The following SLC22A11 variants were observed in gnomAD, a reference collection of about 807,000 sequenced individuals.
The protein encoded by SLC22A11 is solute carrier family 22 member 11.
Under a neutral mutation model 49.4 loss-of-function variants are expected in SLC22A11, and 42 were observed. The observed-to-expected ratio is 0.85, with a 90% CI of 0.66 to 1.10. SLC22A11 has a LOEUF of 1.10. Among genes scored for constraint, SLC22A11 ranks in the 50% least tolerant of loss-of-function variants. The pLI, the probability that SLC22A11 is intolerant of heterozygous loss-of-function variation, is 0.00. For missense variants in SLC22A11, 685 were observed against 731.6 expected (o/e 0.94, Z 0.74); for synonymous variants, 304 against 315.8 (o/e 0.96, Z 0.40).
intron 1 of SLC22A11, 74 bp downstream of exon 1, chr11:64,556,466 C>G (rs77899325): frequency 6.4e-7 from 1 of 1,559,038 alleles, no homozygotes; most frequent in Non-Finnish European, 8.6e-7. Context: ...TGGTTGGACT[C>G]CAAGGTCCAG....
intron 2 of SLC22A11, among the ~76,000 whole-genome samples, chr11:64,559,813 C>G (rs780011576): frequency 5.9e-5 from 9 of 152,186 alleles, no homozygotes; most frequent in Non-Finnish European, 1.2e-4. Context: ...GTTAGGGGAA[C>G]AGGGCACAGG....
intron 9 of SLC22A11, 72 bp downstream of exon 9, chr11:64,569,930 G>A: frequency 2.0e-6 from 3 of 1,476,130 alleles, no homozygotes; most frequent in Non-Finnish European, 2.8e-6. Flanking sequence ...GGCCTGGGCT[G>A]CCCAGGGCAA....
chr11:64,556,543 C>A, intron 1 of SLC22A11, 151 bp downstream of exon 1: 1 of 1,281,910 alleles, frequency 7.8e-7, no homozygotes, highest in Non-Finnish European at 1.1e-6. Flanking sequence ...GGGGAGTGGG[C>A]GGCAGGGATC....
Position 64,564,262 on chromosome 11 carries a change from G to A in SLC22A11, c.822-46G>A. On this transcript the variant is annotated intron_variant, in intron 4 of 9. Transcript: ENST00000301891. This position sits in a 1 kb window ranked among gnomAD's most constrained non-coding sequence, Gnocchi z 4.2. ...CTGCCCCTTTCCACCCCGCCCCGGG[G>A]GAGAGCCCAGCGTGCACTCCCAGCT... The A allele has an allele frequency of 6.2e-7, 1 of 1,610,472 alleles. No individual in the cohort carries two copies. The highest frequency in any genetic ancestry group is 8.5e-7 in the Non-Finnish European group (1 of 1,177,848).
rs1165388348 is a variant in SLC22A11 at position 64,564,092 on chromosome 11, G to A, written c.822-216G>A. ...CAGCCAGGCGAGCCAGATGGAGGTG[G>A]CTCGCTTGGGAAGGTGGGCGGCCAG... On this transcript the variant is annotated intron_variant, in intron 4 of 9. Transcript: ENST00000301891. This position sits in a 1 kb window ranked among gnomAD's most constrained non-coding sequence, Gnocchi z 4.2. Among the ~76,000 whole-genome samples, 1 of 152,180 alleles carries A rather than the reference G, an allele frequency of 6.6e-6. No individual in the cohort carries two copies.
intron 1 of SLC22A11, among the ~76,000 whole-genome samples, chr11:64,557,643 T>G (rs1304381044): frequency 6.9e-6 from 1 of 144,778 alleles, no homozygotes; most frequent in Non-Finnish European, 1.5e-5. Context: ...TTTTTTTTTT[T>G]TTTTTTGAGA....
Position 64,565,138 on chromosome 11 carries a change from G to T in SLC22A11, c.943-84G>T. ...CCAGGACAGGCTCCCCGTCACTCTGGCCACTTGGACACTGTTCTCTGGCAC... is the reference window on the plus strand; with the variant it reads ...CCAGGACAGGCTCCCCGTCACTCTGTCCACTTGGACACTGTTCTCTGGCAC... On this transcript the variant is annotated intron_variant, in intron 5 of 9. Transcript: ENST00000301891. The surrounding 1 kb of genome is among the most constrained non-coding windows in gnomAD (Gnocchi z 4.1). 1 of 1,101,334 alleles carries T rather than the reference G, an allele frequency of 9.1e-7. No individual in the cohort carries two copies. 68.2% of individuals were successfully genotyped at this position (1,101,334 alleles called of 1,614,324 possible).
Position 64,559,206 on chromosome 11 carries a change from G to T in SLC22A11, c.465G>T (p.Val155=). 1.2e-6 allele frequency: 2 copies of T among 1,610,986 alleles called. No individual in the cohort carries two copies. Among genetic ancestry groups the T allele is most frequent in the East Asian group, 4.5e-5 (2 of 44,580 alleles). The change falls in exon 2 of 10, where the codon GTG becomes GTT. Residue 155 remains valine (V), a synonymous_variant. Transcript: ENST00000301891. ...SQSIFMSGIL[V]GSFIWGLLSY... is the part of the protein sequence containing the mutation. ...CCATCTTCATGTCCGGGATCCTGGTGGGCTCCTTTATCTGGGGCCTCCTCT... is the reference window on the plus strand; with the variant it reads ...CCATCTTCATGTCCGGGATCCTGGTTGGCTCCTTTATCTGGGGCCTCCTCT...
Position 64,565,232 on chromosome 11 carries a change from C to A in SLC22A11, c.953C>A (p.Ser318Tyr). Residue 318 changes from serine to tyrosine, a missense_variant, in exon 6 of 10, where the codon TCC becomes TAC. Transcript: ENST00000301891. This position sits in a 1 kb window ranked among gnomAD's most constrained non-coding sequence, Gnocchi z 4.1. Reference protein sequence around the residue: ...AKNLTIEVLMSSVKEEVASAK... With the variant: ...AKNLTIEVLMYSVKEEVASAK... ...CATTCTCCCCGGAAGGTGCTGATGTCCAGCGTGAAGGAGGAGGTGGCCTCT... is the reference window on the plus strand; with the variant it reads ...CATTCTCCCCGGAAGGTGCTGATGTACAGCGTGAAGGAGGAGGTGGCCTCT... 2.6e-6 allele frequency: 4 copies of A among 1,540,642 alleles called. No homozygotes were observed. The South Asian group carries it at 3.6e-5, about 14-fold the overall frequency.
At position 64,568,678 on chromosome 11, in the gene SLC22A11, A is replaced by G. The variant is rs542062532; in HGVS notation, c.1282A>G (p.Thr428Ala). 2.5e-6 allele frequency: 4 copies of G among 1,613,974 alleles called. No homozygotes were observed. In the South Asian group the frequency reaches 3.3e-5, roughly 13 times the overall value. ...ANMLVPQDLQ[T>A]LRVVFAVLGK... ...CCCCTTCCTGTACCCAGATTTGCAG[A>G]CCCTGCGTGTGGTCTTTGCTGTGCT... The change falls in exon 8 of 10, where the codon ACC becomes GCC. Residue 428 changes from threonine (T) to alanine (A), a missense_variant. Coordinates refer to ENST00000301891, the MANE Select transcript of SLC22A11 (RefSeq NM_018484.4).
In SLC22A11 at chr11:64,572,479, G is replaced by A. The variant is rs1447657763; in HGVS notation, c.*1437G>A. 1 of 152,310 alleles carries A rather than the reference G, an allele frequency of 6.6e-6. No homozygotes were observed. Among genetic ancestry groups the A allele is most frequent in the African/African-American group, 2.4e-5 (1 of 41,408 alleles). The allele number at this position is 152,310 out of a possible 1,614,324, so 9.4% of individuals were successfully genotyped here. ...GCCCTTCCCTGGAGACCCCACTCTG[G>A]GCCACCTCAATCTCAGGCCCCTCAA... is the stretch of plus-strand genomic sequence containing the variant. On this transcript the variant is annotated 3_prime_UTR_variant, in exon 10 of 10. Coordinates refer to ENST00000301891, the MANE Select transcript of SLC22A11 (RefSeq NM_018484.4).
intron 8 of SLC22A11, 63 bp downstream of exon 8, chr11:64,568,841 G>A: frequency 1.4e-6 from 2 of 1,430,720 alleles, no homozygotes; most frequent in Non-Finnish European, 2.0e-6. Context: ...GCGGTGGGAA[G>A]GGAAAGAAGG....
intron 2 of SLC22A11, among the ~76,000 whole-genome samples, chr11:64,561,679 C>G (rs1452884441): frequency 6.6e-6 from 1 of 151,124 alleles, no homozygotes; most frequent in Non-Finnish European, 1.5e-5. Flanking sequence ...ACTATGTTGC[C>G]CAGGCTGGTC....
chr11:64,563,934 C>A (rs553016998), intron 4 of SLC22A11, among the ~76,000 whole-genome samples: 2 of 151,788 alleles, frequency 1.3e-5, no homozygotes, highest in East Asian at 1.9e-4. Flanking sequence ...AACAAAAAAA[C>A]CCAGCACCAA....
In SLC22A11 at chr11:64,564,289, C is replaced by T. The variant is rs2038592443; in HGVS notation, c.822-19C>T. 1 of 1,613,802 alleles carries T rather than the reference C, an allele frequency of 6.2e-7. No individual in the cohort carries two copies. Among genetic ancestry groups the T allele is most frequent in the Non-Finnish European group, 8.5e-7 (1 of 1,179,860 alleles). On this transcript the variant is annotated intron_variant, in intron 4 of 9. Coordinates refer to ENST00000301891, the MANE Select transcript of SLC22A11 (RefSeq NM_018484.4). The surrounding 1 kb of genome is among the most constrained non-coding windows in gnomAD (Gnocchi z 4.2). ...AGAGCCCAGCGTGCACTCCCAGCTACACACCTGCCTCCTTACAGGTGGCTG... is the reference window on the plus strand; with the variant it reads ...AGAGCCCAGCGTGCACTCCCAGCTATACACCTGCCTCCTTACAGGTGGCTG...
Position 64,564,492 on chromosome 11 carries a change from T to G in SLC22A11, c.942+64T>G. ...GACGTGCACTGAGGGATCATCCGTGTGGCCTCCAACAGCACCACCCACTCC... is the reference window on the plus strand; with the variant it reads ...GACGTGCACTGAGGGATCATCCGTGGGGCCTCCAACAGCACCACCCACTCC... On this transcript the variant is annotated intron_variant, in intron 5 of 9. Transcript: ENST00000301891. The surrounding 1 kb of genome is among the most constrained non-coding windows in gnomAD (Gnocchi z 4.2). 6.3e-7 allele frequency: 1 copy of G among 1,585,896 alleles called. No homozygotes were observed. Among genetic ancestry groups the G allele is most frequent in the Non-Finnish European group, 8.6e-7 (1 of 1,162,384 alleles).
chr11:64,563,515 A>G (rs1219334671), intron 4 of SLC22A11, among the ~76,000 whole-genome samples: 3 of 148,888 alleles, frequency 2.0e-5, no homozygotes, highest in Non-Finnish European at 4.4e-5. Context: ...CCACCAGGAA[A>G]GTGTTTCTCC....
chr11:64,557,248 G>C (rs982871448), intron 1 of SLC22A11, among the ~76,000 whole-genome samples: 1 of 152,252 alleles, frequency 6.6e-6, no homozygotes, highest in Non-Finnish European at 1.5e-5. Flanking sequence ...AAAACACAGA[G>C]AGGTTAAGGG....
chr11:64,569,796 G>A lies in SLC22A11; in HGVS notation c.1527G>A (p.Leu509=), dbSNP rs779706600. Residue 509 remains leucine (L), a synonymous_variant, in exon 9 of 10, where the codon CTG becomes CTA. Coordinates refer to ENST00000301891, the MANE Select transcript of SLC22A11 (RefSeq NM_018484.4). ...CCATTGCTTCCAGCCTGGTTGTGCTGTTCTTCCTCCCGGAGACCCAGGGAC... is the reference window on the plus strand; with the variant it reads ...CCATTGCTTCCAGCCTGGTTGTGCTATTCTTCCTCCCGGAGACCCAGGGAC... The part of the protein sequence containing the change: ...VISIASSLVV[L]FFLPETQGLP... 6.2e-7 allele frequency: 1 copy of A among 1,614,088 alleles called. No homozygotes were observed. The highest frequency in any genetic ancestry group is 1.3e-5 in the African/African-American group (1 of 75,030).
Sources: allele counts gnomAD v4.1 joint callset (sites outside exome capture counted in the v4.1 genomes callset), GRCh38; gene constraint gnomAD v4.1.1; non-coding constraint Gnocchi (gnomAD v3.1); transcripts MANE v1.5; gene names NCBI Gene and HGNC (gene_info 2026-07-23, HGNC 2026-07-21).